The following SSBP3 variants were observed in gnomAD, a reference collection of about 807,000 sequenced individuals.
SSBP3 encodes the protein single-stranded DNA-binding protein 3.
A neutral mutation model predicts 69.6 loss-of-function variants in SSBP3; 5 were observed. That is an observed-to-expected ratio of 0.07 (90% CI 0.04 to 0.15). The LOEUF is 0.15. Among genes scored for constraint, SSBP3 ranks in the 10% least tolerant of loss-of-function variants. The pLI, the probability that SSBP3 is intolerant of heterozygous loss-of-function variation, is 1.00. For missense variants in SSBP3, 312 were observed against 534.0 expected (o/e 0.58, Z 4.10); for synonymous variants, 196 against 193.4 (o/e 1.01, Z -0.11).
At chr1:54,289,027 A>AAC (rs1645548857) in intron 4 of SSBP3, among the ~76,000 whole-genome samples, 2 of 76,138 alleles carry the variant, frequency 2.6e-5, no homozygotes, top group African/African-American at 8.1e-5. Context: ...CTCCAAAAAA[A>AAC]AAAAAAAAAC....
chr1:54,333,119 T>G (rs1234077155), intron 4 of SSBP3, among the ~76,000 whole-genome samples: 1 of 151,810 alleles, frequency 6.6e-6, no homozygotes, highest in African/African-American at 2.4e-5. Flanking sequence ...TGCTTGGGGG[T>G]GGGGAATGTC....
chr1:54,225,533 CAG>C (rs1644272557), exon 18 of SSBP3: 1 of 852,356 alleles, frequency 1.2e-6, no homozygotes, highest in East Asian at 3.5e-5. Context: ...AATTCAGAAC[CAG>C]ACTACAAGGT....
intron 4 of SSBP3, among the ~76,000 whole-genome samples, chr1:54,396,289 A>G (rs1648881194): frequency 6.6e-6 from 1 of 151,934 alleles, no homozygotes; most frequent in African/African-American, 2.4e-5. Context: ...AGCTCCCAGC[A>G]ACATGTATTA....
At chr1:54,347,769 G>C in intron 4 of SSBP3, among the ~76,000 whole-genome samples, 1 of 152,218 alleles carries the variant, frequency 6.6e-6, no homozygotes, top group East Asian at 1.9e-4. Flanking sequence ...GAATGCCAAG[G>C]ATTGCAGCAA....
rs1344724853 is a variant in SSBP3 at position 54,261,114 on chromosome 1, T to C, written c.367-2965A>G. On this transcript the variant is annotated intron_variant, in intron 5 of 17. Transcript: ENST00000610401. ...CCCGGAGCTCCGTCACTACGTTCCCTGTGTCTAGGCTGTGTCCCTAAGACC... is the reference window on the plus strand; with the variant it reads ...CCCGGAGCTCCGTCACTACGTTCCCCGTGTCTAGGCTGTGTCCCTAAGACC... Among the ~76,000 whole-genome samples the C allele has an allele frequency of 3.3e-5, 5 of 152,228 alleles. No homozygotes were observed. In the East Asian group the frequency reaches 9.6e-4, roughly 29 times the overall value.
intron 5 of SSBP3, among the ~76,000 whole-genome samples, chr1:54,277,888 C>A (rs969287722): frequency 2.0e-5 from 3 of 152,090 alleles, no homozygotes; most frequent in African/African-American, 7.2e-5. Context: ...CAAAGCCAAG[C>A]TGGGTTTGCC....
intron 14 of SSBP3, among the ~76,000 whole-genome samples, chr1:54,230,372 A>G (rs995045043): frequency 2.0e-5 from 3 of 152,226 alleles, no homozygotes; most frequent in African/African-American, 7.2e-5. Context: ...CAGACCCCCA[A>G]AATCCCCAAA....
At chr1:54,405,210 A>T (rs891888135) in intron 1 of SSBP3, among the ~76,000 whole-genome samples, 3 of 152,180 alleles carry the variant, frequency 2.0e-5, no homozygotes, top group Non-Finnish European at 4.4e-5. Context: ...TAGGTTCCTC[A>T]AACTCGCAAG....
chr1:54,299,386 C>T (rs768535364), intron 4 of SSBP3, among the ~76,000 whole-genome samples: 6 of 152,206 alleles, frequency 3.9e-5, no homozygotes, highest in Non-Finnish European at 7.3e-5. Context: ...TTCCCCTACC[C>T]TCTGCCATTT....
intron 4 of SSBP3, among the ~76,000 whole-genome samples, chr1:54,349,534 A>G (rs905120498): frequency 6.6e-6 from 1 of 152,168 alleles, no homozygotes; most frequent in African/African-American, 2.4e-5. Flanking sequence ...GTTCCCCCCA[A>G]ATGAAGCCAA....
At chr1:54,327,263 AG>A (rs1557534678) in intron 4 of SSBP3, among the ~76,000 whole-genome samples, 27 of 149,580 alleles carry the variant, frequency 1.8e-4, no homozygotes, top group African/African-American at 6.3e-4. Context: ...GAAGGAAGGA[AG>A]GAAGGAAAAC....
intron 4 of SSBP3, among the ~76,000 whole-genome samples, chr1:54,296,718 C>T (rs138744409): frequency 7.8e-4 from 119 of 152,330 alleles, no homozygotes; most frequent in African/African-American, 2.8e-3. Context: ...GTGCCTGGCA[C>T]GCATCCATCA....
intron 4 of SSBP3, among the ~76,000 whole-genome samples, chr1:54,378,614 C>A (rs1647374612): frequency 6.6e-6 from 1 of 152,224 alleles, no homozygotes. Flanking sequence ...TAACTGCCAC[C>A]ATTGGGGGCT....
At position 54,335,659 on chromosome 1, in the gene SSBP3, T is replaced by C. The variant is rs1287888634; in HGVS notation, c.277-54132A>G. 4 of 145,114 alleles carry C rather than the reference T, an allele frequency of 2.8e-5. No homozygotes were observed. In the East Asian group the frequency reaches 5.8e-4, roughly 21 times the overall value. The allele number at this position is 145,114 out of a possible 1,614,324, so 9.0% of individuals were successfully genotyped here. A position where few individuals can be genotyped will look rare whatever the true frequency, so the allele number is the denominator to read the frequency against. ...ACACATCGATTCAAGGAAACCTCCC[T>C]GAGACCGAGAGGCCCAAAAAGGCGC... is the stretch of plus-strand genomic sequence containing the variant. On this transcript the variant is annotated intron_variant, in intron 4 of 17. Coordinates refer to ENST00000610401, the Ensembl canonical transcript of SSBP3.
intron 4 of SSBP3, among the ~76,000 whole-genome samples, chr1:54,305,138 A>G (rs1307491992): frequency 6.6e-6 from 1 of 152,158 alleles, no homozygotes; most frequent in Non-Finnish European, 1.5e-5. Context: ...CAGCTTTGCC[A>G]TCGCTAGCTG....
chr1:54,257,969 G>A, intron 6 of SSBP3, 100 bp downstream of exon 6: 4 of 1,148,802 alleles, frequency 3.5e-6, no homozygotes, highest in Non-Finnish European at 4.8e-6. Flanking sequence ...CTCGCAGGCA[G>A]TGGCTAGAGC....
At chr1:54,246,691 C>G (rs1203427030) in intron 9 of SSBP3, among the ~76,000 whole-genome samples, 1 of 152,212 alleles carries the variant, frequency 6.6e-6, no homozygotes, top group African/African-American at 2.4e-5. Context: ...GTCCTGCCGC[C>G]TATAGAGGCA....
At chr1:54,386,875 A>C (rs2100749481) in intron 4 of SSBP3, among the ~76,000 whole-genome samples, 1 of 150,856 alleles carries the variant, frequency 6.6e-6, no homozygotes, top group African/African-American at 2.4e-5. Context: ...TCTTCCTCCC[A>C]AGCAAGAGGC....
rs147211437 is a variant in SSBP3 at position 54,389,381 on chromosome 1, G to C, written c.276+12480C>G. Among the ~76,000 whole-genome samples the C allele has an allele frequency of 3.0e-3, 459 of 152,146 alleles. 2 individuals are homozygous for C. Among genetic ancestry groups the C allele is most frequent in the Non-Finnish European group, 5.5e-3 (377 of 68,008 alleles). ...AAGCCAAGATGTTTTCTTCCTGGAC[G>C]AGGTCATTAAAAACCAGCCCAATCC... On this transcript the variant is annotated intron_variant, in intron 4 of 17. Coordinates refer to ENST00000610401, the Ensembl canonical transcript of SSBP3.
Sources: gnomAD v4.1 joint callset for allele counts (sites outside exome capture counted in the v4.1 genomes callset) on GRCh38, gnomAD v4.1.1 for gene constraint, MANE v1.5 for transcripts, NCBI Gene and HGNC (gene_info 2026-07-23, HGNC 2026-07-21) for gene names.